The following ACAP2 variants were observed in gnomAD, a reference collection of about 807,000 sequenced individuals.
ACAP2 encodes arf-GAP with coiled-coil, ANK repeat and PH domain-containing protein 2.
ACAP2 carries 39 observed loss-of-function variants against 115.8 expected under a neutral mutation model. The ratio of observed to expected loss-of-function variants is 0.34; its 90% CI spans 0.26 to 0.44. The LOEUF (loss-of-function observed/expected upper bound fraction) is 0.44. Among genes scored for constraint, ACAP2 ranks in the 20% least tolerant of loss-of-function variants. ACAP2 has a pLI of 1.00. For synonymous variants in ACAP2, 289 were observed against 315.8 expected, an observed-to-expected ratio of 0.92 and a Z score of 0.90; for missense variants, 662 against 927.6, an observed-to-expected ratio of 0.71 and a Z score of 3.72.
chr3:195,355,153 T>G (rs952942854), intron 4 of ACAP2, among the ~76,000 whole-genome samples: 2 of 152,172 alleles, frequency 1.3e-5, no homozygotes, highest in East Asian at 3.8e-4. Context: ...GCCACAATAA[T>G]GTAGGCTATA....
intron 21 of ACAP2, among the ~76,000 whole-genome samples, chr3:195,287,279 A>G (rs1246575852): frequency 1.3e-5 from 2 of 152,236 alleles, no homozygotes; most frequent in African/African-American, 4.8e-5. Context: ...GTAATAAACT[A>G]CTTTGATCTG....
At chr3:195,399,584 G>C (rs1170727501) in intron 1 of ACAP2, among the ~76,000 whole-genome samples, 2 of 150,702 alleles carry the variant, frequency 1.3e-5, no homozygotes, top group African/African-American at 4.9e-5. Flanking sequence ...CCACTTCCCA[G>C]TGGGGAAAAA....
At chr3:195,317,100 G>A (rs546042375) in intron 10 of ACAP2, among the ~76,000 whole-genome samples, 9 of 151,742 alleles carry the variant, frequency 5.9e-5, no homozygotes, top group African/African-American at 2.2e-4. Context: ...GTTTCACCAT[G>A]TTGGCCAGGC....
At chr3:195,311,223 A>G (rs1728749895) in intron 10 of ACAP2, among the ~76,000 whole-genome samples, 1 of 151,644 alleles carries the variant, frequency 6.6e-6, no homozygotes, top group African/African-American at 2.4e-5. Flanking sequence ...TAACCTCCCA[A>G]GTGGCTGGGG....
chr3:195,336,766 G>T, intron 7 of ACAP2, 166 bp downstream of exon 7: 1 of 631,682 alleles, frequency 1.6e-6, no homozygotes, highest in Non-Finnish European at 2.8e-6. Context: ...TAACATGAAG[G>T]AGACAAAAAG....
At chr3:195,300,633 T>G (rs1282003786) in intron 15 of ACAP2, among the ~76,000 whole-genome samples, 1 of 152,234 alleles carries the variant, frequency 6.6e-6, no homozygotes. Flanking sequence ...TGTCAAAAGC[T>G]TTTCTAATCC....
intron 1 of ACAP2, among the ~76,000 whole-genome samples, chr3:195,430,098 T>C (rs1244247281): frequency 6.6e-6 from 1 of 152,136 alleles, no homozygotes; most frequent in Non-Finnish European, 1.5e-5. Context: ...TCCAAAACAG[T>C]CCATGGATGA....
At chr3:195,345,178 T>C in intron 5 of ACAP2, 81 bp downstream of exon 5, 1 of 977,556 alleles carries the variant, frequency 1.0e-6, no homozygotes, top group Non-Finnish European at 1.6e-6. Flanking sequence ...TCATGGTATA[T>C]AACTTCTTCC....
At chr3:195,304,667 T>A (rs909150925) in intron 13 of ACAP2, among the ~76,000 whole-genome samples, 1 of 152,214 alleles carries the variant, frequency 6.6e-6, no homozygotes. Flanking sequence ...TACAATATGC[T>A]AAGATACCCA....
At chr3:195,424,235 TGTGTGTGTG>T (rs1399483122) in intron 1 of ACAP2, among the ~76,000 whole-genome samples, 5 of 102,678 alleles carry the variant, frequency 4.9e-5, no homozygotes, top group African/African-American at 1.9e-4. Flanking sequence ...TGTGTGTGTG[TGTGTGTGTG>T]GTGTGTGTGT....
At chr3:195,369,089 A>C (rs1334880788) in intron 4 of ACAP2, among the ~76,000 whole-genome samples, 1 of 135,384 alleles carries the variant, frequency 7.4e-6, no homozygotes, top group Non-Finnish European at 1.6e-5. Context: ...TGTCTCAAAA[A>C]CAAACAAAAA....
At chr3:195,371,502 A>C (rs1733140493) in intron 4 of ACAP2, among the ~76,000 whole-genome samples, 1 of 152,158 alleles carries the variant, frequency 6.6e-6, no homozygotes, top group South Asian at 2.1e-4. Context: ...ATCTGCAAAC[A>C]GTGATGGTCT....
chr3:195,366,043 C>T (rs867482311), intron 4 of ACAP2, among the ~76,000 whole-genome samples: 7 of 151,920 alleles, frequency 4.6e-5, no homozygotes, highest in African/African-American at 1.7e-4. Flanking sequence ...GGTTTCACCA[C>T]GTTGGCCAGG....
At chr3:195,304,476 G>C (rs557614778) in intron 13 of ACAP2, among the ~76,000 whole-genome samples, 18 of 152,252 alleles carry the variant, frequency 1.2e-4, no homozygotes, top group African/African-American at 4.3e-4. Context: ...TAGGAGGAAT[G>C]ATTGTTTAAG....
chr3:195,348,673 T>C (rs1249119760), intron 4 of ACAP2, among the ~76,000 whole-genome samples: 1 of 152,124 alleles, frequency 6.6e-6, no homozygotes, highest in Non-Finnish European at 1.5e-5. Flanking sequence ...GGATTTAACA[T>C]TCAAAAAAAT....
At chr3:195,374,425 G>C (rs1466546978) in intron 4 of ACAP2, among the ~76,000 whole-genome samples, 1 of 152,096 alleles carries the variant, frequency 6.6e-6, no homozygotes, top group Non-Finnish European at 1.5e-5. Context: ...GAAAATATAA[G>C]CATTACTTGT....
chr3:195,437,845 A>C (rs1381972710), intron 1 of ACAP2, among the ~76,000 whole-genome samples: 33 of 142,542 alleles, frequency 2.3e-4, no homozygotes, highest in East Asian at 8.2e-4. Context: ...GCAAAAAAAA[A>C]CCCACATTTT....
intron 1 of ACAP2, among the ~76,000 whole-genome samples, chr3:195,401,349 CATG>C (rs1202785440): frequency 6.6e-6 from 1 of 152,180 alleles, no homozygotes; most frequent in Non-Finnish European, 1.5e-5. Context: ...CACCTTCATG[CATG>C]ATATCACATG....
chr3:195,434,330 T>C (rs1376660226), intron 1 of ACAP2, among the ~76,000 whole-genome samples: 1 of 152,142 alleles, frequency 6.6e-6, no homozygotes, highest in Non-Finnish European at 1.5e-5. Flanking sequence ...CATTCTGGGC[T>C]CAAGCAATCC....
Sources: allele counts gnomAD v4.1 joint callset (sites outside exome capture counted in the v4.1 genomes callset), GRCh38; gene constraint gnomAD v4.1.1; transcripts MANE v1.5; gene names NCBI Gene and HGNC (gene_info 2026-07-23, HGNC 2026-07-21).